The following DCDC1 variants were observed in gnomAD, a reference collection of about 807,000 sequenced individuals.
DCDC1 encodes doublecortin domain containing 1.
In DCDC1, 200 loss-of-function variants were observed where a neutral mutation model predicts 178.3. That is an observed-to-expected ratio of 1.12 (90% confidence interval 1.00 to 1.26). The LOEUF is 1.26. Among genes scored for constraint, DCDC1 ranks in the 50% most tolerant of loss-of-function variants. The probability of loss-of-function intolerance (pLI) is 0.00; values close to 1 mark genes in which losing one functional copy is unlikely to be tolerated. For synonymous variants in DCDC1, 690 were observed against 604.8 expected (o/e 1.14, Z -2.07); for missense variants, 1,983 against 1,749.2 (o/e 1.13, Z -2.38).
At chr11:30,991,442 A>G (rs1487823230) in intron 20 of DCDC1, among the ~76,000 whole-genome samples, 1 of 152,182 alleles carries the variant, frequency 6.6e-6, no homozygotes, top group East Asian at 1.9e-4. Context: ...TAAAAACTGA[A>G]TTGTATTGGT....
At chr11:31,192,755 C>T (rs927481119) in intron 9 of DCDC1, among the ~76,000 whole-genome samples, 2 of 151,992 alleles carry the variant, frequency 1.3e-5, no homozygotes, top group East Asian at 1.9e-4. Flanking sequence ...TATGTGTCCA[C>T]TTGAGTGGGA....
At chr11:31,229,376 A>G (rs189042909) in intron 9 of DCDC1, among the ~76,000 whole-genome samples, 2 of 152,180 alleles carry the variant, frequency 1.3e-5, no homozygotes, top group Non-Finnish European at 2.9e-5. Context: ...CAATTCAAGT[A>G]ACATATATAA....
At chr11:31,045,099 A>G (rs1954743533) in intron 20 of DCDC1, among the ~76,000 whole-genome samples, 1 of 152,146 alleles carries the variant, frequency 6.6e-6, no homozygotes, top group Middle Eastern at 3.2e-3. Context: ...TATGTCTTAT[A>G]TATACTTTAT....
At chr11:31,360,738 A>G (rs1951667279) in intron 1 of DCDC1, among the ~76,000 whole-genome samples, 1 of 152,186 alleles carries the variant, frequency 6.6e-6, no homozygotes, top group Admixed American at 6.5e-5. Flanking sequence ...GAAGCAAAGG[A>G]TAATTGGTGG....
At chr11:31,278,666 G>C (rs1946171161) in intron 7 of DCDC1, among the ~76,000 whole-genome samples, 1 of 152,024 alleles carries the variant, frequency 6.6e-6, no homozygotes, top group Non-Finnish European at 1.5e-5. Flanking sequence ...CAGATTTTAT[G>C]TATTTTTATG....
At chr11:31,099,153 A>G (rs1958339449) in intron 15 of DCDC1, among the ~76,000 whole-genome samples, 2 of 152,082 alleles carry the variant, frequency 1.3e-5, no homozygotes, top group Admixed American at 6.6e-5. Context: ...TTGCTATCCA[A>G]TTGTTTTTAG....
intron 38 of DCDC1, among the ~76,000 whole-genome samples, chr11:30,873,769 T>C (rs958217078): frequency 1.3e-5 from 2 of 152,184 alleles, no homozygotes; most frequent in African/African-American, 4.8e-5. Flanking sequence ...TATAAAAATG[T>C]ATAAGAAAAC....
intron 9 of DCDC1, among the ~76,000 whole-genome samples, chr11:31,221,130 C>G (rs1366776570): frequency 6.6e-6 from 1 of 152,154 alleles, no homozygotes; most frequent in African/African-American, 2.4e-5. Context: ...GTCCTTCTTG[C>G]ATGCGAAACA....
At chr11:30,915,407 C>G in intron 27 of DCDC1, 104 bp downstream of exon 27, 1 of 1,236,816 alleles carries the variant, frequency 8.1e-7, no homozygotes. Context: ...ATAGAAGACC[C>G]AGAATTCTCA....
chr11:30,941,369 G>T (rs1446805670), intron 21 of DCDC1, among the ~76,000 whole-genome samples: 1 of 152,136 alleles, frequency 6.6e-6, no homozygotes, highest in Admixed American at 6.6e-5. Flanking sequence ...GGAAGGCCCT[G>T]CATGATCAGT....
intron 20 of DCDC1, among the ~76,000 whole-genome samples, chr11:30,993,481 G>GCATA (rs967512947): frequency 4.2e-4 from 64 of 152,092 alleles, no homozygotes; most frequent in African/African-American, 1.5e-3. Context: ...AAAGGTTAGA[G>GCATA]CATAGGTCAA....
intron 21 of DCDC1, among the ~76,000 whole-genome samples, chr11:30,932,193 T>G (rs1056792877): frequency 8.1e-6 from 1 of 123,882 alleles, no homozygotes. Context: ...ATTTATTCCC[T>G]CTCAGAGAAA....
At chr11:31,253,050 G>A (rs1335019225) in intron 8 of DCDC1, among the ~76,000 whole-genome samples, 1 of 152,106 alleles carries the variant, frequency 6.6e-6, no homozygotes, top group Non-Finnish European at 1.5e-5. Context: ...TCAAATATGA[G>A]AATCTTCTAG....
intron 17 of DCDC1, among the ~76,000 whole-genome samples, chr11:31,088,770 G>T (rs1224203968): frequency 6.6e-6 from 1 of 152,126 alleles, no homozygotes; most frequent in Non-Finnish European, 1.5e-5. Flanking sequence ...AGGTTGGAGT[G>T]TAGTGGTGCA....
intron 20 of DCDC1, among the ~76,000 whole-genome samples, chr11:31,036,459 C>T (rs1954032637): frequency 6.6e-6 from 1 of 152,174 alleles, no homozygotes; most frequent in Non-Finnish European, 1.5e-5. Context: ...ACCTATGTCT[C>T]TGTGACAGAC....
chr11:30,979,167 A>G (rs1194255987), intron 20 of DCDC1, among the ~76,000 whole-genome samples: 1 of 151,980 alleles, frequency 6.6e-6, no homozygotes, highest in Non-Finnish European at 1.5e-5. Flanking sequence ...ACTCCTCCAC[A>G]AAGAATAACT....
intron 20 of DCDC1, among the ~76,000 whole-genome samples, chr11:30,976,752 C>T (rs182202495): frequency 6.6e-6 from 1 of 152,026 alleles, no homozygotes; most frequent in Admixed American, 6.6e-5. Flanking sequence ...ATTAGTACAG[C>T]CATTAGGGAA....
chr11:31,253,004 A>T (rs2137001347), intron 8 of DCDC1, among the ~76,000 whole-genome samples: 1 of 152,266 alleles, frequency 6.6e-6, no homozygotes, highest in Middle Eastern at 3.4e-3. Flanking sequence ...CTGAAAAAAA[A>T]TAGTCATTAT....
chr11:31,235,722 T>C (rs1976371940), intron 9 of DCDC1, among the ~76,000 whole-genome samples: 1 of 152,036 alleles, frequency 6.6e-6, no homozygotes, highest in Non-Finnish European at 1.5e-5. Flanking sequence ...ATGTTCAGAA[T>C]TGCATAAGCA....
Sources: gnomAD v4.1 joint callset for allele counts (sites outside exome capture counted in the v4.1 genomes callset) on GRCh38, gnomAD v4.1.1 for gene constraint, MANE v1.5 for transcripts, NCBI Gene and HGNC (gene_info 2026-07-23, HGNC 2026-07-21) for gene names.